MSH4: variants seen among roughly 807,000 people sequenced by gnomAD.
The protein encoded by MSH4 is mutS protein homolog 4.
A neutral mutation model predicts 113.7 loss-of-function variants in MSH4; 106 were observed. The ratio of observed to expected loss-of-function variants is 0.93; its 90% confidence interval spans 0.80 to 1.10. The LOEUF (loss-of-function observed/expected upper bound fraction) is 1.10, where lower values mean the gene tolerates loss of function less well. MSH4 is among the 50% of genes least tolerant of loss of function. The probability of loss-of-function intolerance (pLI) is 0.00; values close to 1 mark genes in which losing one functional copy is unlikely to be tolerated. For synonymous variants in MSH4, 368 were observed against 380.2 expected, an observed-to-expected ratio of 0.97 and a Z score of 0.37; for missense variants, 1,061 against 1,093.7, an observed-to-expected ratio of 0.97 and a Z score of 0.42.
intron 2 of MSH4, among the ~76,000 whole-genome samples, chr1:75,804,985 GC>G (rs1049927575): frequency 1.0e-4 from 15 of 150,544 alleles, no homozygotes; most frequent in Non-Finnish European, 2.2e-4. Flanking sequence ...GCACCACCAC[GC>G]CTGGCTAATT....
intron 19 of MSH4, among the ~76,000 whole-genome samples, chr1:75,907,689 C>CATATATATATAT (rs71071973): frequency 0.016 from 1,258 of 78,494 alleles, 37 homozygotes; most frequent in Middle Eastern, 0.033. Context: ...TCTCTCTATA[C>CATATATATATAT]ATATATATAT....
chr1:75,907,593 T>A (rs1444518218), intron 19 of MSH4, among the ~76,000 whole-genome samples: 2 of 150,654 alleles, frequency 1.3e-5, no homozygotes, highest in East Asian at 3.9e-4. Flanking sequence ...ATAGGCATTC[T>A]ACTCTTTGCT....
chr1:75,808,204 A>T (rs1475904134), intron 3 of MSH4, among the ~76,000 whole-genome samples: 2 of 152,168 alleles, frequency 1.3e-5, no homozygotes, highest in East Asian at 3.8e-4. Flanking sequence ...CCCTGGTGGT[A>T]TTTCAGATGA....
At position 75,810,730 on chromosome 1, in the gene MSH4, G is replaced by T. The variant is rs757443524; in HGVS notation, c.622G>T (p.Glu208Ter). ...TAAACTTAAAATTTTATCACCTTTG[G>T]AAATAATAATGTCAAATACTGCTTG... The part of the protein sequence containing the change: ...ITKLKILSPL[E>*]IIMSNTACAV... The change falls in exon 4 of 20, where the codon GAA becomes TAA. Residue 208 changes from glutamate (E) to a stop codon, truncating the protein, a stop_gained. Transcript: ENST00000263187. LOFTEE classifies it high-confidence loss of function. The T allele has an allele frequency of 6.3e-7, 1 of 1,577,258 alleles. No individual in the cohort carries two copies.
At chr1:75,826,676 G>A (rs1650561876) in intron 7 of MSH4, among the ~76,000 whole-genome samples, 2 of 152,098 alleles carry the variant, frequency 1.3e-5, no homozygotes. Flanking sequence ...GTTTTCATTG[G>A]TTTCAAAGTA....
intron 15 of MSH4, among the ~76,000 whole-genome samples, chr1:75,887,604 T>C (rs984562318): frequency 6.6e-6 from 1 of 152,108 alleles, no homozygotes. Context: ...ATTAACTCCA[T>C]GTTATAGATG....
At chr1:75,823,296 A>G (rs1310652150) in intron 7 of MSH4, among the ~76,000 whole-genome samples, 1 of 152,216 alleles carries the variant, frequency 6.6e-6, no homozygotes, top group African/African-American at 2.4e-5. Flanking sequence ...CAATTTCCAA[A>G]TAAGGTCACA....
intron 8 of MSH4, among the ~76,000 whole-genome samples, chr1:75,851,370 T>A (rs1328894847): frequency 2.0e-5 from 3 of 152,128 alleles, no homozygotes; most frequent in Non-Finnish European, 4.4e-5. Flanking sequence ...ACTTAGGGTT[T>A]ATAGACTACA....
chr1:75,866,887 C>A (rs114696455), intron 8 of MSH4, among the ~76,000 whole-genome samples: 3,921 of 152,216 alleles, frequency 0.026, 58 homozygotes, highest in Non-Finnish European at 0.029. Context: ...AACTCTACTT[C>A]ATCTGTCAGT....
At chr1:75,828,645 T>C (rs1200066246) in intron 7 of MSH4, among the ~76,000 whole-genome samples, 2 of 152,084 alleles carry the variant, frequency 1.3e-5, no homozygotes, top group African/African-American at 2.4e-5. Context: ...ACAATAGCTA[T>C]TGGGGACTCC....
At chr1:75,845,295 A>G (rs1322240606) in intron 7 of MSH4, among the ~76,000 whole-genome samples, 2 of 152,210 alleles carry the variant, frequency 1.3e-5, no homozygotes, top group Non-Finnish European at 2.9e-5. Flanking sequence ...TCAAAAGTCC[A>G]GAATCTCATC....
At chr1:75,854,096 G>T (rs995376375) in intron 8 of MSH4, among the ~76,000 whole-genome samples, 1 of 145,012 alleles carries the variant, frequency 6.9e-6, no homozygotes, top group Admixed American at 7.1e-5. Flanking sequence ...AAAATCATAC[G>T]TTCATACCAA....
At chr1:75,842,115 G>T (rs571329690) in intron 7 of MSH4, among the ~76,000 whole-genome samples, 1 of 152,272 alleles carries the variant, frequency 6.6e-6, no homozygotes, top group East Asian at 1.9e-4. Flanking sequence ...GTTCAGAAAG[G>T]CAGGACAACT....
At chr1:75,808,566 T>TA (rs1368335845) in intron 3 of MSH4, among the ~76,000 whole-genome samples, 7 of 152,202 alleles carry the variant, frequency 4.6e-5, no homozygotes, top group Non-Finnish European at 5.9e-5. Context: ...TCTTTTGGTA[T>TA]TGGGGTTCTG....
At chr1:75,858,225 A>T (rs1228940087) in intron 8 of MSH4, among the ~76,000 whole-genome samples, 1 of 152,196 alleles carries the variant, frequency 6.6e-6, no homozygotes, top group Non-Finnish European at 1.5e-5. Context: ...AGACAATTTG[A>T]CTTCCTCTCT....
intron 19 of MSH4, among the ~76,000 whole-genome samples, chr1:75,911,757 A>C (rs1242849823): frequency 6.6e-6 from 1 of 152,098 alleles, no homozygotes; most frequent in Non-Finnish European, 1.5e-5. Context: ...AGATGGGTGA[A>C]TATATGGTAA....
intron 9 of MSH4, among the ~76,000 whole-genome samples, chr1:75,870,043 G>C (rs1490232654): frequency 6.6e-6 from 1 of 152,216 alleles, no homozygotes; most frequent in Non-Finnish European, 1.5e-5. Flanking sequence ...CAAGGGTGGA[G>C]CTGCTCAAGG....
At chr1:75,885,321 GT>G (rs1652049699) in intron 15 of MSH4, among the ~76,000 whole-genome samples, 1,646 of 30,902 alleles carry the variant, frequency 0.053, 28 homozygotes, top group African/African-American at 0.098. Context: ...CACTGGGGGT[GT>G]GTGTGTGTGT....
At chr1:75,876,899 T>C in intron 9 of MSH4, 37 bp from the exon 10 acceptor site, 1 of 1,199,722 alleles carries the variant, frequency 8.3e-7, no homozygotes, top group Non-Finnish European at 1.2e-6. Context: ...ATCTTGTAAT[T>C]GATTATCCTT....
Sources: allele counts gnomAD v4.1 joint callset (sites outside exome capture counted in the v4.1 genomes callset), GRCh38; gene constraint gnomAD v4.1.1; transcripts MANE v1.5; gene names NCBI Gene and HGNC (gene_info 2026-07-23, HGNC 2026-07-21).